HELZ: variants seen among roughly 807,000 people sequenced by gnomAD.
HELZ encodes the protein ATP-dependent RNA helicase with zinc finger domain.
HELZ carries 23 observed loss-of-function variants against 218.2 expected under a neutral mutation model. That is an observed-to-expected ratio of 0.11 (90% CI 0.08 to 0.15). HELZ has a LOEUF of 0.15. HELZ is among the 10% of genes least tolerant of loss of function. The probability of loss-of-function intolerance (pLI) is 1.00; values close to 1 mark genes in which losing one functional copy is unlikely to be tolerated. For synonymous variants in HELZ, 814 were observed against 829.4 expected (o/e 0.98, Z 0.32); for missense variants, 1,813 against 2,353.7 (o/e 0.77, Z 4.75).
In HELZ at chr17:67,178,913, C is replaced by A. The variant is rs1485677504; in HGVS notation, c.1176G>T (p.Leu392=). The A allele has an allele frequency of 6.2e-7, 1 of 1,601,482 alleles. No homozygotes were observed. Among genetic ancestry groups the A allele is most frequent in the Admixed American group, 1.7e-5 (1 of 58,462 alleles). The part of the protein sequence containing the change: ...DAASTEDLEY[L]MHAKQQLVTT... ...TTACTAGCTGCTGTTTTGCATGCAT[C>A]AGGTATTCGAGATCTAAATGGAAAC... The change falls in exon 13 of 33, where the codon CTG becomes CTT. Residue 392 remains leucine (L), a synonymous_variant. Coordinates refer to ENST00000358691, the MANE Select transcript of HELZ (RefSeq NM_014877.4).
chr17:67,239,894 T>A (rs998645650), intron 2 of HELZ: 1 of 152,202 alleles, frequency 6.6e-6, no homozygotes, highest in Non-Finnish European at 1.5e-5. Flanking sequence ...TCTTCCTTTG[T>A]AAAATGGAAA....
rs532713916 is a variant in HELZ, at chr17:67,099,777, C to T, written c.5241+7392G>A. On this transcript the variant is annotated intron_variant, in intron 31 of 32. Coordinates refer to ENST00000358691, the MANE Select transcript of HELZ (RefSeq NM_014877.4). ...GTCAGCAACTTAATTAATAAGGGCTCTATTTATAATTATGCCATCAAAGCT... is the reference window on the plus strand; with the variant it reads ...GTCAGCAACTTAATTAATAAGGGCTTTATTTATAATTATGCCATCAAAGCT... 2.0e-5 allele frequency among the ~76,000 whole-genome samples: 3 copies of T among 152,240 alleles called. No homozygotes were observed. In the East Asian group the frequency reaches 5.8e-4, roughly 29 times the overall value.
At position 67,157,454 on chromosome 17, in the gene HELZ, A is replaced by G. The variant is rs573204200; in HGVS notation, c.2177+2807T>C. 3.3e-5 allele frequency among the ~76,000 whole-genome samples: 5 copies of G among 152,376 alleles called. No homozygotes were observed. The South Asian group carries it at 8.3e-4, about 25-fold the overall frequency. ...CATAATATTCTAGTCCCAACTTTTA[A>G]AAGATTTTAAAATATTCTCTGTACT... On this transcript the variant is annotated intron_variant, in intron 17 of 32. Coordinates refer to ENST00000358691, the MANE Select transcript of HELZ (RefSeq NM_014877.4).
At chr17:67,164,415 G>A (rs1158169916) in intron 15 of HELZ, among the ~76,000 whole-genome samples, 2 of 152,140 alleles carry the variant, frequency 1.3e-5, no homozygotes, top group African/African-American at 4.8e-5. Context: ...AAGATTATAT[G>A]AGAGACAGAA....
At chr17:67,082,864 T>G (rs573775511) in intron 32 of HELZ, among the ~76,000 whole-genome samples, 63 of 148,660 alleles carry the variant, frequency 4.2e-4, no homozygotes, top group South Asian at 1.3e-3. Flanking sequence ...TTTTTTGTTT[T>G]TTTTTTTTTT....
intron 3 of HELZ, among the ~76,000 whole-genome samples, chr17:67,220,785 C>T (rs990362201): frequency 7.3e-5 from 11 of 151,522 alleles, no homozygotes; most frequent in African/African-American, 2.7e-4. Context: ...AGCCACTGCA[C>T]CAAGCCTAAA....
chr17:67,215,919 G>T lies in HELZ; in HGVS notation c.227C>A (p.Ala76Asp). 1 of 1,554,958 alleles carries T rather than the reference G, an allele frequency of 6.4e-7. No homozygotes were observed. The highest frequency in any genetic ancestry group is 8.9e-7 in the Non-Finnish European group (1 of 1,129,548). ...CATACCATGTCTACAATCTTCATCA[G>T]CTTGCACATAATTTTTCTGCAAAAC... is the stretch of plus-strand genomic sequence containing the variant. Reference protein sequence around the residue: ...SFLQLKNYVQADEDCRHVLGE... With the variant: ...SFLQLKNYVQDDEDCRHVLGE... The change falls in exon 5 of 33, where the codon GCT becomes GAT. Residue 76 changes from alanine (A) to aspartate (D), a missense_variant. Ala to Asp is a moderately radical substitution (Grantham distance 126). This residue lies in a region of HELZ where 714 missense variants were observed against 1,029.2 expected (regional missense o/e 0.69). Transcript: ENST00000358691.
chr17:67,142,545 C>T (rs1178178979), intron 21 of HELZ, among the ~76,000 whole-genome samples: 2 of 151,888 alleles, frequency 1.3e-5, no homozygotes, highest in East Asian at 3.9e-4. Flanking sequence ...GATTTTCAAA[C>T]TTTTTTTAAA....
At position 67,137,924 on chromosome 17, in the gene HELZ, C is replaced by CA; in HGVS notation, c.2953+6dup. On this transcript the variant is annotated splice_region_variant and intron_variant, in intron 22 of 32. Transcript: ENST00000358691. ...GAATGACTGAATTCATTTCAATTGACACTTACCTTGAACATTTAGCACCCT... is the reference window on the plus strand; with the variant it reads ...GAATGACTGAATTCATTTCAATTGACAACTTACCTTGAACATTTAGCACCCT... 1 of 1,592,134 alleles carries CA rather than the reference C, an allele frequency of 6.3e-7. No individual in the cohort carries two copies. Among genetic ancestry groups the CA allele is most frequent in the Non-Finnish European group, 8.6e-7 (1 of 1,165,684 alleles).
chr17:67,216,911 T>G (rs973997931), intron 4 of HELZ, among the ~76,000 whole-genome samples: 1 of 152,198 alleles, frequency 6.6e-6, no homozygotes, highest in East Asian at 1.9e-4. Context: ...TTGCTGGTTG[T>G]TGCTCTGCTC....
chr17:67,211,893 G>GTAGGGGAAGGGAAGGGGGAAGA (rs2040460996), intron 5 of HELZ, among the ~76,000 whole-genome samples: 1 of 151,974 alleles, frequency 6.6e-6, no homozygotes, highest in African/African-American at 2.4e-5. Flanking sequence ...AAGGGGGAAG[G>GTAGGGGAAGGGAAGGGGGAAGA]TAAGGGAAGG....
chr17:67,203,286 T>C (rs2040215119), intron 6 of HELZ, 33 bp downstream of exon 6: 6 of 1,605,280 alleles, frequency 3.7e-6, no homozygotes, highest in Middle Eastern at 1.7e-4. Context: ...AAATTTGTTT[T>C]CAGGCATACA....
At chr17:67,184,469 A>G (rs2039697591) in intron 12 of HELZ, among the ~76,000 whole-genome samples, 2 of 152,102 alleles carry the variant, frequency 1.3e-5, no homozygotes, top group East Asian at 1.9e-4. Context: ...AAGATGCAAT[A>G]AATATTTCCC....
chr17:67,195,333 T>C, intron 8 of HELZ, 86 bp downstream of exon 8: 1 of 804,816 alleles, frequency 1.2e-6, no homozygotes, highest in South Asian at 1.5e-5. Flanking sequence ...ATATGTACTG[T>C]AACTCAGTAA....
intron 24 of HELZ, among the ~76,000 whole-genome samples, chr17:67,125,431 G>A (rs1185036098): frequency 1.3e-5 from 2 of 149,140 alleles, no homozygotes; most frequent in Non-Finnish European, 3.0e-5. Context: ...AGTATAAGAT[G>A]AGAAGCAGGA....
intron 6 of HELZ, among the ~76,000 whole-genome samples, chr17:67,201,960 C>G (rs1052979064): frequency 6.6e-6 from 1 of 152,076 alleles, no homozygotes; most frequent in Non-Finnish European, 1.5e-5. Context: ...TAGAAAATAA[C>G]TATCCCGAGA....
chr17:67,141,214 G>C (rs1285900335), intron 21 of HELZ, among the ~76,000 whole-genome samples: 2 of 151,984 alleles, frequency 1.3e-5, no homozygotes, highest in Non-Finnish European at 2.9e-5. Context: ...CCTCTTAACT[G>C]GTTTAAAAAG....
intron 7 of HELZ, among the ~76,000 whole-genome samples, chr17:67,197,037 G>A (rs76995350): frequency 0.027 from 4,085 of 152,178 alleles, 86 homozygotes; most frequent in Non-Finnish European, 0.04. Flanking sequence ...TCACCTGTGG[G>A]TCTTTACTAA....
chr17:67,106,991 C>T (rs2143734484), intron 31 of HELZ, among the ~76,000 whole-genome samples, 178 bp downstream of exon 31: 1 of 152,184 alleles, frequency 6.6e-6, no homozygotes, highest in East Asian at 1.9e-4. Flanking sequence ...CAAAAGTGTC[C>T]ACTTTACAAA....
Sources: gnomAD v4.1 joint callset for allele counts (sites outside exome capture counted in the v4.1 genomes callset) on GRCh38, gnomAD v4.1.1 for gene constraint, gnomAD v4.1.1 regional missense constraint, MANE v1.5 for transcripts, NCBI Gene and HGNC (gene_info 2026-07-23, HGNC 2026-07-21) for gene names.